DDX19B: variants seen among roughly 807,000 people sequenced by gnomAD.
The protein encoded by DDX19B is DEAD-box helicase 19B.
Under a neutral mutation model 58.1 loss-of-function variants are expected in DDX19B, and 27 were observed. The ratio of observed to expected loss-of-function variants is 0.46; its 90% CI spans 0.34 to 0.64. DDX19B has a LOEUF of 0.64. Among genes scored for constraint, DDX19B ranks in the 30% least tolerant of loss-of-function variants. The pLI is 0.01. For synonymous variants in DDX19B, 187 were observed against 214.4 expected (o/e 0.87, Z 1.12); for missense variants, 399 against 596.5 (o/e 0.67, Z 3.45).
upstream of DDX19B, among the ~76,000 whole-genome samples, chr16:70,297,809 C>T (rs1332671854): frequency 6.6e-6 from 1 of 152,142 alleles, no homozygotes; most frequent in East Asian, 1.9e-4. Flanking sequence ...CAGCCTCAAC[C>T]TCCTGGGCTC....
intron 1 of DDX19B, among the ~76,000 whole-genome samples, chr16:70,304,155 C>T (rs1209571155): frequency 6.6e-6 from 1 of 151,496 alleles, no homozygotes; most frequent in Non-Finnish European, 1.5e-5. Flanking sequence ...ATTCTCCTGC[C>T]TCAGCTTCCC....
In DDX19B at chr16:70,314,936, GA is replaced by G; in HGVS notation, c.142del (p.Thr48GlnfsTer18). 1 of 1,609,168 alleles carries G rather than the reference GA, an allele frequency of 6.2e-7. No homozygotes were observed. Among genetic ancestry groups the G allele is most frequent in the Non-Finnish European group, 8.5e-7 (1 of 1,176,792 alleles). The stretch of plus-strand genomic sequence containing the variant: ...TCAAGACCAATGCCAATGCAGAGAA[GA>G]CAGATGAAGAAGAGAAAGGTAACAC... ...VVKTNANAEKTDEEEKEDRAA... is the reference protein window; with the variant it reads ...VVKTNANAEKXDEEEKEDRAA... On this transcript the variant is annotated frameshift_variant, in exon 3 of 12. Coordinates refer to ENST00000288071, the MANE Select transcript of DDX19B (RefSeq NM_007242.7). LOFTEE classifies it high-confidence loss of function.
chr16:70,297,959 T>C (rs1961288763), upstream of DDX19B, among the ~76,000 whole-genome samples: 1 of 152,168 alleles, frequency 6.6e-6, no homozygotes, highest in Non-Finnish European at 1.5e-5. Context: ...ATTCAAGCGA[T>C]CCTCCCACCT....
chr16:70,331,709 C>A lies in DDX19B; in HGVS notation c.1024-13C>A, dbSNP rs145498574. 41 of 1,608,878 alleles carry A rather than the reference C, an allele frequency of 2.5e-5. No individual in the cohort carries two copies. The East Asian group carries it at 7.1e-4, about 28-fold the overall frequency. ...ACAGGTCTCTTCATAAAAAACAATT[C>A]TTTTCACTACAGACTCGCAAAACAG... is the stretch of plus-strand genomic sequence containing the variant. On this transcript the variant is annotated splice_polypyrimidine_tract_variant and intron_variant, in intron 9 of 11. Transcript: ENST00000288071.
upstream of DDX19B, among the ~76,000 whole-genome samples, chr16:70,293,420 T>C (rs1041675953): frequency 1.2e-4 from 18 of 147,636 alleles, no homozygotes; most frequent in South Asian, 4.2e-4. Flanking sequence ...AGTGTCTCAA[T>C]TGAAAAAAAA....
At chr16:70,307,975 C>A (rs912569274) in intron 1 of DDX19B, among the ~76,000 whole-genome samples, 1 of 150,808 alleles carries the variant, frequency 6.6e-6, no homozygotes, top group South Asian at 2.1e-4. Context: ...TATTTTGAGA[C>A]GGAGTCTCAC....
rs371370508 is a variant in DDX19B, at chr16:70,309,528, T to C, written c.58-3081T>C. 2.2e-5 allele frequency among the ~76,000 whole-genome samples: 3 copies of C among 133,848 alleles called. No individual in the cohort carries two copies. The East Asian group carries it at 6.9e-4, about 31-fold the overall frequency. 87.8% of individuals were successfully genotyped at this position (133,848 alleles called of 152,430 possible). A position where few individuals can be genotyped will look rare whatever the true frequency, so the allele number is the denominator to read the frequency against. ...AAACAAACAAACAAACAAAAAGAAA[T>C]GGGGCTCCTGGCTGGGTGCAGTGGC... On this transcript the variant is annotated intron_variant, in intron 1 of 11. Coordinates refer to ENST00000288071, the MANE Select transcript of DDX19B (RefSeq NM_007242.7).
At chr16:70,325,307 A>G (rs1469990923) in intron 6 of DDX19B, among the ~76,000 whole-genome samples, 2 of 152,332 alleles carry the variant, frequency 1.3e-5, no homozygotes, top group African/African-American at 4.8e-5. Flanking sequence ...GCTAATGCCA[A>G]TTGGAACTTT....
intron 1 of DDX19B, among the ~76,000 whole-genome samples, chr16:70,301,704 T>C (rs968801348): frequency 3.0e-4 from 45 of 151,492 alleles, no homozygotes; most frequent in Non-Finnish European, 5.5e-4. Context: ...CTCTTTTTTT[T>C]TTTTTTTTAA....
At chr16:70,293,084 AAAATT>A (rs141808270), upstream of DDX19B, among the ~76,000 whole-genome samples, 10,513 of 150,570 alleles carry the variant, frequency 0.07, 1,222 homozygotes, top group African/African-American at 0.24. Context: ...CTGTCTCAAA[AAAATT>A]AAATTAAATT....
rs1034145547 is a variant in DDX19B, at chr16:70,299,229, C to G, written c.-69C>G. The G allele has an allele frequency of 1.4e-6, 2 of 1,467,004 alleles. No homozygotes were observed. The highest frequency in any genetic ancestry group is 9.0e-7 in the Non-Finnish European group (1 of 1,108,034). 90.9% of individuals were successfully genotyped at this position (1,467,004 alleles called of 1,614,324 possible). A position where few individuals can be genotyped will look rare whatever the true frequency, so the allele number is the denominator to read the frequency against. The stretch of plus-strand genomic sequence containing the variant: ...TGGAGCAGAGCCTGCCGCGAACCCC[C>G]GGAGCCCACGATCCCTCGTGCCATC... On this transcript the variant is annotated 5_prime_UTR_variant, in exon 1 of 12. Transcript: ENST00000288071.
intron 6 of DDX19B, 83 bp from the exon 7 acceptor site, chr16:70,325,491 G>T: frequency 1.2e-6 from 1 of 846,004 alleles, no homozygotes; most frequent in Non-Finnish European, 2.0e-6. Flanking sequence ...TTCAGCTGGA[G>T]GAGTGGCTAA....
intron 5 of DDX19B, among the ~76,000 whole-genome samples, chr16:70,322,083 T>C (rs1363740779): frequency 6.7e-6 from 1 of 149,054 alleles, no homozygotes; most frequent in African/African-American, 2.5e-5. Context: ...TAGTGGCTCA[T>C]GCCTGTTATC....
At chr16:70,332,723 C>T (rs1963542464) in intron 10 of DDX19B, among the ~76,000 whole-genome samples, 1 of 152,144 alleles carries the variant, frequency 6.6e-6, no homozygotes, top group South Asian at 2.1e-4. Flanking sequence ...TTCATCACCT[C>T]TCCCTGCACC....
At position 70,312,034 on chromosome 16, in the gene DDX19B, G is replaced by A. The variant is rs79398197; in HGVS notation, c.58-575G>A. On this transcript the variant is annotated intron_variant, in intron 1 of 11. Transcript: ENST00000288071. The stretch of plus-strand genomic sequence containing the variant: ...TTTTTGTATTTTTGGTAGAGACGGG[G>A]TTTCACCATGTTGGCCAGGATGGTC... 8.1e-4 allele frequency among the ~76,000 whole-genome samples: 123 copies of A among 152,144 alleles called. 1 individual carries two copies. In the East Asian group the frequency reaches 0.018, roughly 22 times the overall value.
rs1353729849 is a variant in DDX19B at position 70,335,160 on chromosome 16, T to C, written c.*1578T>C. Reference sequence around the variant, plus strand: ...GACTATGTAGTTTTCTCTATGCTTCTGGTCAACTCTGACACATCTTGGAAT... The same window carrying C: ...GACTATGTAGTTTTCTCTATGCTTCCGGTCAACTCTGACACATCTTGGAAT... On this transcript the variant is annotated 3_prime_UTR_variant, in exon 12 of 12. Transcript: ENST00000288071. 2.0e-5 allele frequency: 3 copies of C among 152,268 alleles called. No individual in the cohort carries two copies. The highest frequency in any genetic ancestry group is 6.5e-5 in the Admixed American group (1 of 15,280). The allele number at this position is 152,268 out of a possible 1,614,324, so 9.4% of individuals were successfully genotyped here. A position where few individuals can be genotyped will look rare whatever the true frequency, so the allele number is the denominator to read the frequency against.
chr16:70,328,895 C>CT (rs1443646545), intron 7 of DDX19B, among the ~76,000 whole-genome samples: 5 of 151,714 alleles, frequency 3.3e-5, no homozygotes, highest in African/African-American at 1.2e-4. Flanking sequence ...TAGAATTTCT[C>CT]AGAGAGAAGA....
upstream of DDX19B, among the ~76,000 whole-genome samples, chr16:70,296,783 C>T (rs1479299981): frequency 6.6e-6 from 1 of 152,066 alleles, no homozygotes; most frequent in Non-Finnish European, 1.5e-5. Flanking sequence ...TGTGAGAGTG[C>T]AGGAAAAAAT....
At chr16:70,327,775 G>C (rs1351206938) in intron 7 of DDX19B, among the ~76,000 whole-genome samples, 1 of 151,908 alleles carries the variant, frequency 6.6e-6, no homozygotes, top group Non-Finnish European at 1.5e-5. Flanking sequence ...ATTGACTCTG[G>C]GGCTTATTCT....
Sources: allele counts gnomAD v4.1 joint callset (sites outside exome capture counted in the v4.1 genomes callset), GRCh38; gene constraint gnomAD v4.1.1; transcripts MANE v1.5; gene names NCBI Gene and HGNC (gene_info 2026-07-23, HGNC 2026-07-21).